The following DDX60L variants were observed in gnomAD, a reference collection of about 807,000 sequenced individuals.
DDX60L encodes the protein probable ATP-dependent RNA helicase DDX60-like.
Under a neutral mutation model 211.6 loss-of-function variants are expected in DDX60L, and 191 were observed. The observed-to-expected ratio is 0.90, with a 90% CI of 0.80 to 1.02. The LOEUF (loss-of-function observed/expected upper bound fraction) is 1.02. Ranked by LOEUF, DDX60L falls within the 50% of genes least tolerant of loss-of-function variation. The pLI is 0.00. For synonymous variants in DDX60L, 706 were observed against 694.1 expected, an observed-to-expected ratio of 1.02 and a Z score of -0.27; for missense variants, 2,007 against 1,984.1, an observed-to-expected ratio of 1.01 and a Z score of -0.22.
intron 36 of DDX60L, among the ~76,000 whole-genome samples, chr4:168,361,963 A>G (rs1560914612): frequency 6.6e-6 from 1 of 152,190 alleles, no homozygotes; most frequent in Non-Finnish European, 1.5e-5. Context: ...CCATCCCTGA[A>G]GCCCCACTAT....
At position 168,419,189 on chromosome 4, in the gene DDX60L, G is replaced by T; in HGVS notation, c.2610+113C>A. 2 of 648,814 alleles carry T rather than the reference G, an allele frequency of 3.1e-6. 1 individual carries two copies. The highest frequency in any genetic ancestry group is 5.8e-5 in the South Asian group (2 of 34,728). The allele number at this position is 648,814 out of a possible 1,614,324, so 40.2% of individuals were successfully genotyped here. On this transcript the variant is annotated intron_variant, in intron 19 of 37. Transcript: ENST00000682922. Reference sequence around the variant, plus strand: ...GCAATCTGTTTTCCATTGGTACCCTGGCTGACGCACAACTTAACTGCCATC... The same window carrying T: ...GCAATCTGTTTTCCATTGGTACCCTTGCTGACGCACAACTTAACTGCCATC...
chr4:168,403,959 T>C (rs778554884), intron 25 of DDX60L, 23 bp downstream of exon 25: 1 of 1,388,696 alleles, frequency 7.2e-7, no homozygotes, highest in East Asian at 2.5e-5. Context: ...TAAACAAAGA[T>C]AAATTAAGTT....
intron 1 of DDX60L, among the ~76,000 whole-genome samples, chr4:168,477,100 A>C (rs1229640883): frequency 6.6e-6 from 1 of 152,196 alleles, no homozygotes; most frequent in African/African-American, 2.4e-5. Flanking sequence ...GCATTCCCTT[A>C]CTGCTACAGA....
At chr4:168,470,076 T>G (rs773114276) in intron 4 of DDX60L, 1 of 152,176 alleles carries the variant, frequency 6.6e-6, no homozygotes, top group Non-Finnish European at 1.5e-5. Context: ...CTTGAAAAAG[T>G]AGGCAACATC....
intron 36 of DDX60L, among the ~76,000 whole-genome samples, chr4:168,368,631 C>T (rs1740416696): frequency 6.6e-6 from 1 of 152,226 alleles, no homozygotes; most frequent in African/African-American, 2.4e-5. Context: ...TGAAAGCTTG[C>T]ACTGTGCACC....
intron 4 of DDX60L, chr4:168,469,223 C>T (rs1349212361): frequency 1.3e-5 from 2 of 151,772 alleles, no homozygotes; most frequent in Non-Finnish European, 2.9e-5. Flanking sequence ...TTTGATGGAA[C>T]ATAGTAGAAA....
chr4:168,375,665 T>A, intron 33 of DDX60L, 141 bp from the exon 34 acceptor site: 1 of 810,028 alleles, frequency 1.2e-6, no homozygotes, highest in Non-Finnish European at 1.8e-6. Context: ...CCTGTGAGAT[T>A]AAGGTAAAAT....
intron 26 of DDX60L, among the ~76,000 whole-genome samples, chr4:168,396,389 T>C (rs1579362026): frequency 6.6e-6 from 1 of 152,170 alleles, no homozygotes; most frequent in Non-Finnish European, 1.5e-5. Context: ...ATCCAGTTCT[T>C]CTCAGGAAAA....
intron 16 of DDX60L, 100 bp downstream of exon 16, chr4:168,422,424 A>C (rs962603914): frequency 2.6e-6 from 3 of 1,134,928 alleles, no homozygotes; most frequent in African/African-American, 3.1e-5. Context: ...GACATTAAAC[A>C]AGATTAAGAA....
intron 14 of DDX60L, among the ~76,000 whole-genome samples, chr4:168,424,034 A>G (rs368530020): frequency 1.6e-4 from 24 of 152,170 alleles, no homozygotes; most frequent in African/African-American, 5.8e-4. Flanking sequence ...AAAGAAACAA[A>G]CTTTGTGATT....
intron 10 of DDX60L, among the ~76,000 whole-genome samples, chr4:168,440,533 T>A (rs1387323): frequency 0.31 from 46,731 of 151,672 alleles, 7,656 homozygotes; most frequent in African/African-American, 0.41. Context: ...TCCTCTCTGG[T>A]CACACTAAAC....
At chr4:168,432,677 T>C in intron 11 of DDX60L, 107 bp from the exon 12 acceptor site, 1 of 610,114 alleles carries the variant, frequency 1.6e-6, no homozygotes, top group Non-Finnish European at 2.6e-6. Context: ...TCTATTTGTG[T>C]GATATAATGT....
intron 4 of DDX60L, chr4:168,470,434 C>T (rs1758602213): frequency 1.3e-5 from 2 of 152,100 alleles, no homozygotes; most frequent in Admixed American, 6.5e-5. Context: ...GTAAACAAAC[C>T]GTGGCACATT....
intron 1 of DDX60L, among the ~76,000 whole-genome samples, chr4:168,476,966 C>T (rs1759590605): frequency 6.6e-6 from 1 of 152,168 alleles, no homozygotes; most frequent in African/African-American, 2.4e-5. Context: ...AAACTGGGTC[C>T]CTGAATCACT....
In DDX60L at chr4:168,439,144, T is replaced by C. The variant is rs561221582; in HGVS notation, c.1294+2193A>G. Among the ~76,000 whole-genome samples the C allele has an allele frequency of 2.0e-5, 3 of 152,280 alleles. No homozygotes were observed. In the South Asian group the frequency reaches 6.2e-4, roughly 32 times the overall value. On this transcript the variant is annotated intron_variant, in intron 10 of 37. Transcript: ENST00000682922. ...TAAGTATGGTTTAAGGATATGTATA[T>C]GGGTGCTCAGATGACAAGAGGTAGA...
chr4:168,447,800 T>G (rs2150033675), intron 9 of DDX60L, among the ~76,000 whole-genome samples: 1 of 147,120 alleles, frequency 6.8e-6, no homozygotes, highest in African/African-American at 2.5e-5. Context: ...ACACCGCATA[T>G]TCTCACTCAT....
intron 6 of DDX60L, among the ~76,000 whole-genome samples, chr4:168,456,522 T>A (rs2150076315): frequency 6.6e-6 from 1 of 152,244 alleles, no homozygotes; most frequent in South Asian, 2.1e-4. Context: ...GTTATAAATA[T>A]CAATAATATC....
intron 1 of DDX60L, among the ~76,000 whole-genome samples, chr4:168,477,923 G>C (rs12331721): frequency 0.31 from 47,554 of 152,016 alleles, 7,506 homozygotes; most frequent in South Asian, 0.41. Flanking sequence ...TGGTATGAAA[G>C]CAGAGCTGGA....
intron 31 of DDX60L, 88 bp from the exon 32 acceptor site, chr4:168,379,592 T>C: frequency 8.5e-7 from 1 of 1,181,518 alleles, no homozygotes. Context: ...AAATATTACC[T>C]GACTTCATTT....
Sources: allele counts gnomAD v4.1 joint callset (sites outside exome capture counted in the v4.1 genomes callset), GRCh38; gene constraint gnomAD v4.1.1; transcripts MANE v1.5; gene names NCBI Gene and HGNC (gene_info 2026-07-23, HGNC 2026-07-21).